DONSON: variants seen among roughly 807,000 people sequenced by gnomAD.
The protein encoded by DONSON is DNA replication fork stabilization factor DONSON.
DONSON carries 43 observed loss-of-function variants against 62.1 expected under a neutral mutation model. The ratio of observed to expected loss-of-function variants is 0.69; its 90% CI spans 0.54 to 0.89. The LOEUF (loss-of-function observed/expected upper bound fraction) is 0.89, where lower values mean the gene tolerates loss of function less well. DONSON is among the 40% of genes least tolerant of loss of function. DONSON has a pLI of 0.00. For missense variants in DONSON, 696 were observed against 697.5 expected, an observed-to-expected ratio of 1.00 and a Z score of 0.03; for synonymous variants, 266 against 264.6, an observed-to-expected ratio of 1.01 and a Z score of -0.05.
intron 1 of DONSON, among the ~76,000 whole-genome samples, chr21:33,587,829 G>A (rs2086595924): frequency 6.6e-6 from 1 of 152,178 alleles, no homozygotes; most frequent in Admixed American, 6.5e-5. Flanking sequence ...AGATCCAAAA[G>A]GCTTTGGGTA....
chr21:33,583,320 T>A (rs1266721061), intron 5 of DONSON, among the ~76,000 whole-genome samples, 168 bp downstream of exon 5: 1 of 151,282 alleles, frequency 6.6e-6, no homozygotes, highest in Admixed American at 6.6e-5. Flanking sequence ...TGCGGACTGC[T>A]GGATTAAATA....
intron 3 of DONSON, 90 bp downstream of exon 3, chr21:33,585,888 A>T: frequency 8.0e-7 from 1 of 1,242,958 alleles, no homozygotes; most frequent in Non-Finnish European, 1.2e-6. Context: ...AGAAAAACTT[A>T]ATGGAAGGCA....
At position 33,583,452 on chromosome 21, in the gene DONSON, T is replaced by C. The variant is rs770942339; in HGVS notation, c.964+36A>G. 18 of 1,553,134 alleles carry C rather than the reference T, an allele frequency of 1.2e-5. No homozygotes were observed. The East Asian group carries it at 3.4e-4, about 29-fold the overall frequency. Reference sequence around the variant, plus strand: ...TTTAGGCCAAAATAGGTTTACTATATAGTATAGTATTCTCACTTTAAACCT... The same window carrying C: ...TTTAGGCCAAAATAGGTTTACTATACAGTATAGTATTCTCACTTTAAACCT... On this transcript the variant is annotated intron_variant, in intron 5 of 9. Transcript: ENST00000303071.
At chr21:33,582,905 A>AAG (rs1263635650) in intron 5 of DONSON, among the ~76,000 whole-genome samples, 1 of 152,020 alleles carries the variant, frequency 6.6e-6, no homozygotes. Context: ...CCCTCCTTAT[A>AAG]AGAATGATGA....
chr21:33,578,549 G>T, intron 9 of DONSON, 105 bp from the exon 10 acceptor site: 1 of 1,219,388 alleles, frequency 8.2e-7, no homozygotes, highest in Non-Finnish European at 1.1e-6. Flanking sequence ...TGATTAATGT[G>T]ATTCATCCTA....
chr21:33,584,152 C>A (rs2086551588), intron 4 of DONSON, among the ~76,000 whole-genome samples: 1 of 150,102 alleles, frequency 6.7e-6, no homozygotes, highest in Non-Finnish European at 1.5e-5. Context: ...TCATGCCATT[C>A]TCCTGCCTCA....
chr21:33,581,818 A>G lies in DONSON; in HGVS notation c.1151+133T>C, dbSNP rs1466353607. 7.4e-6 allele frequency: 6 copies of G among 815,662 alleles called. No homozygotes were observed. The African/African-American group carries it at 1.0e-4, about 14-fold the overall frequency. The allele number at this position is 815,662 out of a possible 1,614,324, so 50.5% of individuals were successfully genotyped here. On this transcript the variant is annotated intron_variant, in intron 7 of 9. Coordinates refer to ENST00000303071, the MANE Select transcript of DONSON (RefSeq NM_017613.4). Reference sequence around the variant, plus strand: ...GATACTTAGGGGCTTATTTAGTATTACAATGGAGAATTAGTTTTAATATGA... The same window carrying G: ...GATACTTAGGGGCTTATTTAGTATTGCAATGGAGAATTAGTTTTAATATGA...
intron 8 of DONSON, among the ~76,000 whole-genome samples, chr21:33,580,463 CAAAAAAAAAAAAAAAAAAAAAAAAAAA>C (rs57425899): frequency 0.013 from 221 of 17,500 alleles, 5 homozygotes; most frequent in Middle Eastern, 0.083. Flanking sequence ...GATTCCACCT[CAAAAAAAAAAAAAAAAAAAAAAAAAAA>C]AAAAAAAAAA....
Position 33,586,060 on chromosome 21 carries a change from T to C in DONSON, c.524A>G (p.Asp175Gly). ...FTSSQPFTWA[D>G]HLKAQEEAQG... is the part of the protein sequence containing the mutation. ...AGCTTCTTCCTGTGCTTTCAAATGA[T>C]CTGCCCAGGTAAAGGGTTGAGAAGA... The change falls in exon 3 of 10, where the codon GAT (aspartate) becomes GGT (glycine). Residue 175 changes from aspartate to glycine, a missense_variant. By Grantham distance (94) the Asp-to-Gly change is moderately conservative (BLOSUM62 -1). Transcript: ENST00000303071. The C allele has an allele frequency of 1.2e-6, 2 of 1,614,202 alleles. No individual in the cohort carries two copies. Among genetic ancestry groups the C allele is most frequent in the Non-Finnish European group, 1.7e-6 (2 of 1,180,042 alleles).
intron 8 of DONSON, 106 bp from the exon 9 acceptor site, chr21:33,579,668 C>CT: frequency 1.2e-6 from 1 of 843,188 alleles, no homozygotes; most frequent in Non-Finnish European, 1.8e-6. Context: ...TCTCTTTTAA[C>CT]AATTATGGAA....
At chr21:33,587,936 C>A (rs2086597338) in intron 1 of DONSON, among the ~76,000 whole-genome samples, 1 of 152,226 alleles carries the variant, frequency 6.6e-6, no homozygotes, top group Admixed American at 6.5e-5. Context: ...CCCTAAATCA[C>A]GGGGGAAGCA....
chr21:33,581,230 T>C, intron 8 of DONSON, 72 bp downstream of exon 8: 3 of 1,406,846 alleles, frequency 2.1e-6, no homozygotes, highest in Non-Finnish European at 2.9e-6. Context: ...AGGAGGTTTT[T>C]TTTTAAATCA....
chr21:33,588,452 T>C lies in DONSON; in HGVS notation c.190A>G (p.Arg64Gly). The C allele has an allele frequency of 1.5e-6, 2 of 1,306,274 alleles. No individual in the cohort carries two copies. Among genetic ancestry groups the C allele is most frequent in the Non-Finnish European group, 9.7e-7 (1 of 1,028,462 alleles). The allele number at this position is 1,306,274 out of a possible 1,614,324, so 80.9% of individuals were successfully genotyped here. The change falls in exon 1 of 10, where the codon AGA becomes GGA. Residue 64 changes from arginine to glycine, a missense_variant. Arg to Gly is a moderately radical substitution (Grantham distance 125). Coordinates refer to ENST00000303071, the MANE Select transcript of DONSON (RefSeq NM_017613.4). Reference sequence around the variant, plus strand: ...GGGCCGCCGCCGCTGCCACCGCCTCTGCCCCCCGCAGCAGGGAAAGGGCGA... The same window carrying C: ...GGGCCGCCGCCGCTGCCACCGCCTCCGCCCCCCGCAGCAGGGAAAGGGCGA... ...PLRPFPAAGG[R>G]GGGSGGGPAA...
chr21:33,579,763 A>AT (rs1415379489), intron 8 of DONSON: 6 of 520,264 alleles, frequency 1.2e-5, no homozygotes, highest in Non-Finnish European at 2.0e-5. Flanking sequence ...ATATTAAGAG[A>AT]TTTTCAGGTG....
At chr21:33,584,856 C>G in intron 3 of DONSON, 88 bp from the exon 4 acceptor site, 2 of 1,091,908 alleles carry the variant, frequency 1.8e-6, no homozygotes, top group Non-Finnish European at 2.5e-6. Context: ...ACACTTAGGT[C>G]TAAGAATCTT....
intron 5 of DONSON, 115 bp from the exon 6 acceptor site, chr21:33,582,361 G>T: frequency 1.3e-6 from 1 of 784,476 alleles, no homozygotes; most frequent in Non-Finnish European, 2.0e-6. Context: ...ATCTATTAAG[G>T]CAGTAGAGTT....
At chr21:33,579,022 CAGCTACTTGGG>C (rs1191464525) in intron 9 of DONSON, among the ~76,000 whole-genome samples, 1 of 151,940 alleles carries the variant, frequency 6.6e-6, no homozygotes, top group Admixed American at 6.6e-5. Flanking sequence ...CCTGTAATCT[CAGCTACTTGGG>C]AGGCTGAGGC....
intron 2 of DONSON, among the ~76,000 whole-genome samples, chr21:33,586,854 T>C (rs1454520424): frequency 6.9e-6 from 1 of 144,360 alleles, no homozygotes; most frequent in African/African-American, 2.9e-5. Context: ...GCCAGGCTGT[T>C]CGCGAACTCC....
rs200517511 is a variant in DONSON at position 33,584,763 on chromosome 21, G to A, written c.612C>T (p.Pro204=). 2.6e-6 allele frequency: 4 copies of A among 1,526,802 alleles called. No homozygotes were observed. The African/African-American group carries it at 5.5e-5, about 21-fold the overall frequency. 94.6% of individuals were successfully genotyped at this position (1,526,802 alleles called of 1,614,324 possible). A position where few individuals can be genotyped will look rare whatever the true frequency, so the allele number is the denominator to read the frequency against. The change falls in exon 4 of 10, where the codon CCC becomes CCT. Residue 204 remains proline (P), a synonymous_variant. Transcript: ENST00000303071. ...TACAACGGAGCTCAGAGGAGAGTTT[G>A]GGATCCTAAAATCCAAAGGTGACAG... ...EVTLPKSIQD[P]KLSSELRCTF...
Sources: gnomAD v4.1 joint callset for allele counts (sites outside exome capture counted in the v4.1 genomes callset) on GRCh38, gnomAD v4.1.1 for gene constraint, MANE v1.5 for transcripts, NCBI Gene and HGNC (gene_info 2026-07-23, HGNC 2026-07-21) for gene names.